Variants in CSMD3 observed in about 807,000 individuals in gnomAD.
The protein encoded by CSMD3 is CUB and sushi domain-containing protein 3.
Under a neutral mutation model 435.2 loss-of-function variants are expected in CSMD3, and 177 were observed. The ratio of observed to expected loss-of-function variants is 0.41; its 90% CI spans 0.36 to 0.46. The LOEUF (loss-of-function observed/expected upper bound fraction) is 0.46, where lower values mean the gene tolerates loss of function less well. CSMD3 is among the 20% of genes least tolerant of loss of function. The pLI is 0.34. For synonymous variants in CSMD3, 1,656 were observed against 1,520.5 expected (o/e 1.09, Z -2.07); for missense variants, 4,265 against 4,504.6 (o/e 0.95, Z 1.52).
intron 13 of CSMD3, among the ~76,000 whole-genome samples, chr8:112,736,074 T>A (rs1168458628): frequency 6.6e-6 from 1 of 152,032 alleles, no homozygotes; most frequent in Non-Finnish European, 1.5e-5. Flanking sequence ...CATGTTTGGA[T>A]GCTCACTAGC....
chr8:112,383,124 C>G (rs1306840913), intron 37 of CSMD3, among the ~76,000 whole-genome samples: 1 of 152,056 alleles, frequency 6.6e-6, no homozygotes, highest in Non-Finnish European at 1.5e-5. Context: ...TAATTTTATT[C>G]ATTTCATAGA....
chr8:112,349,895 T>C (rs1391656143), intron 40 of CSMD3, among the ~76,000 whole-genome samples: 3 of 152,136 alleles, frequency 2.0e-5, no homozygotes, highest in Admixed American at 6.5e-5. Context: ...AATTTATATT[T>C]TGAAGTCCTA....
chr8:112,298,511 C>T lies in CSMD3; in HGVS notation c.8441-2505G>A, dbSNP rs531893287. The stretch of plus-strand genomic sequence containing the variant: ...GACTTTACCAAACTTGAAAATTCCT[C>T]GTTGTCAAAAGATGTTATTAAAAAA... On this transcript the variant is annotated intron_variant, in intron 53 of 70. Coordinates refer to ENST00000297405, the MANE Select transcript of CSMD3 (RefSeq NM_198123.2). Among the ~76,000 whole-genome samples, 6 of 152,002 alleles carry T rather than the reference C, an allele frequency of 3.9e-5. No homozygotes were observed. In the South Asian group the frequency reaches 1.0e-3, roughly 26 times the overall value.
At position 113,146,888 on chromosome 8, in the gene CSMD3, A is replaced by C. The variant is rs77710318; in HGVS notation, c.709+26834T>G. On this transcript the variant is annotated intron_variant, in intron 4 of 70. Coordinates refer to ENST00000297405, the MANE Select transcript of CSMD3 (RefSeq NM_198123.2). ...AAAAGTGTTCCTTGCTAGTTGATAA[A>C]AATAAATTCATGTATAATAAAAATC... 3.5e-3 allele frequency among the ~76,000 whole-genome samples: 538 copies of C among 151,818 alleles called. 2 individuals carry two copies. The highest frequency in any genetic ancestry group is 0.012 in the African/African-American group (512 of 41,514).
intron 54 of CSMD3, among the ~76,000 whole-genome samples, chr8:112,295,523 C>G (rs559504453): frequency 1.3e-5 from 2 of 151,710 alleles, no homozygotes; most frequent in South Asian, 4.2e-4. Flanking sequence ...AAATTTAAAC[C>G]CTTATAATTA....
chr8:113,266,866 A>G (rs573025207), intron 3 of CSMD3, among the ~76,000 whole-genome samples: 4 of 151,780 alleles, frequency 2.6e-5, no homozygotes, highest in African/African-American at 7.2e-5. Context: ...GTGAACTAAT[A>G]TGTCCAGAAT....
intron 1 of CSMD3, among the ~76,000 whole-genome samples, chr8:113,397,453 T>C (rs372814880): frequency 4.6e-5 from 7 of 152,164 alleles, no homozygotes; most frequent in Non-Finnish European, 8.8e-5. Flanking sequence ...TTTCCTTCAA[T>C]ATGGCTTTTA....
At position 112,587,173 on chromosome 8, in the gene CSMD3, T is replaced by C; in HGVS notation, c.3778A>G (p.Asn1260Asp). Residue 1260 changes from asparagine to aspartate, a missense_variant, in exon 23 of 71, where the codon AAC becomes GAC. Coordinates refer to ENST00000297405, the MANE Select transcript of CSMD3 (RefSeq NM_198123.2). ...ATGCATTCATGGTTGTTTTCATAGT[T>C]GAGTGGATAATTTGGAGACAGCAAA... ...GILLSPNYPL[N>D]YENNHECIYS... 1 of 1,610,232 alleles carries C rather than the reference T, an allele frequency of 6.2e-7. No homozygotes were observed. Among genetic ancestry groups the C allele is most frequent in the South Asian group, 1.1e-5 (1 of 91,004 alleles).
intron 14 of CSMD3, among the ~76,000 whole-genome samples, chr8:112,687,444 A>G (rs968245043): frequency 2.0e-5 from 3 of 152,136 alleles, no homozygotes; most frequent in Non-Finnish European, 4.4e-5. Flanking sequence ...TTTGGCATAA[A>G]TTATTTGTTT....
intron 3 of CSMD3, among the ~76,000 whole-genome samples, chr8:113,191,089 C>G (rs2092578150): frequency 6.6e-6 from 1 of 151,772 alleles, no homozygotes; most frequent in Non-Finnish European, 1.5e-5. Flanking sequence ...TGGATATTTT[C>G]TTTTCTGTAT....
At position 113,175,017 on chromosome 8, in the gene CSMD3, TC is replaced by T. The variant is rs771357129; in HGVS notation, c.515-1102del. On this transcript the variant is annotated intron_variant, in intron 3 of 70. Transcript: ENST00000297405. ...TGTTGCAATAAAAAGTAAAATATTT[TC>T]CCATTTTGCTTTGATATTTATTTCA... Among the ~76,000 whole-genome samples the T allele has an allele frequency of 6.3e-4, 96 of 151,966 alleles. 1 individual carries two copies. The highest frequency in any genetic ancestry group is 8.6e-4 in the Non-Finnish European group (58 of 67,810).
At chr8:112,598,401 C>T (rs1831968413) in intron 22 of CSMD3, among the ~76,000 whole-genome samples, 1 of 150,836 alleles carries the variant, frequency 6.6e-6, no homozygotes, top group Admixed American at 6.6e-5. Context: ...ATTCCATGCT[C>T]ATGGATAGGA....
chr8:112,587,224 C>A lies in CSMD3; in HGVS notation c.3727G>T (p.Ala1243Ser), dbSNP rs2131354348. The A allele has an allele frequency of 6.2e-7, 1 of 1,607,300 alleles. No homozygotes were observed. Among genetic ancestry groups the A allele is most frequent in the Admixed American group, 1.7e-5 (1 of 59,850 alleles). The change falls in exon 23 of 71, where the codon GCA becomes TCA. Residue 1243 changes from alanine (A) to serine (S), a missense_variant. Transcript: ENST00000297405. ...ATTCCTTCATTATTCGTTGCAGATG[C>A]ACCACATTCAGCTGCAGGTAAAACA... The part of the protein sequence containing the change: ...PLPRCVAECG[A>S]SATNNEGILL...
intron 9 of CSMD3, among the ~76,000 whole-genome samples, chr8:112,947,368 G>T (rs1278404077): frequency 1.3e-5 from 2 of 151,534 alleles, no homozygotes; most frequent in African/African-American, 4.8e-5. Context: ...ACATTTGCTG[G>T]AAGGTTTTAC....
At chr8:112,839,533 C>T (rs889752417) in intron 11 of CSMD3, among the ~76,000 whole-genome samples, 1 of 151,546 alleles carries the variant, frequency 6.6e-6, no homozygotes, top group Admixed American at 6.6e-5. Context: ...GAAGAAAATC[C>T]TTGCAGATAA....
At chr8:112,858,944 AG>A (rs2080745028) in intron 11 of CSMD3, among the ~76,000 whole-genome samples, 200 bp downstream of exon 11, 1 of 151,866 alleles carries the variant, frequency 6.6e-6, no homozygotes, top group Non-Finnish European at 1.5e-5. Flanking sequence ...ATATGTTAGT[AG>A]CTTGGAGTAG....
chr8:113,372,699 C>T (rs2094353562), intron 1 of CSMD3, among the ~76,000 whole-genome samples: 1 of 151,902 alleles, frequency 6.6e-6, no homozygotes, highest in South Asian at 2.1e-4. Context: ...TTTGGGAGGC[C>T]GAGGCGGGTG....
intron 6 of CSMD3, among the ~76,000 whole-genome samples, chr8:112,992,130 AT>A (rs2085478058): frequency 6.6e-6 from 1 of 151,882 alleles, no homozygotes; most frequent in African/African-American, 2.4e-5. Flanking sequence ...AGAATAAAGA[AT>A]TTAATTGAAT....
chr8:112,892,831 GTTTAT>G (rs2081838250), intron 10 of CSMD3, among the ~76,000 whole-genome samples: 1 of 151,234 alleles, frequency 6.6e-6, no homozygotes, highest in East Asian at 2.0e-4. Flanking sequence ...TTCAGTATTT[GTTTAT>G]TTTGTGTTGC....
Sources: gnomAD v4.1 joint callset for allele counts (sites outside exome capture counted in the v4.1 genomes callset) on GRCh38, gnomAD v4.1.1 for gene constraint, MANE v1.5 for transcripts, NCBI Gene and HGNC (gene_info 2026-07-23, HGNC 2026-07-21) for gene names.